EXOC6B: variants seen among roughly 807,000 people sequenced by gnomAD.
EXOC6B encodes the protein exocyst complex component 6B, also known as SEC15 homolog B.
In EXOC6B, 54 loss-of-function variants were observed where a neutral mutation model predicts 113.5. That is an observed-to-expected ratio of 0.48 (90% confidence interval 0.38 to 0.60). The LOEUF is 0.60. EXOC6B is among the 20% of genes least tolerant of loss of function. The pLI is 0.00. For missense variants in EXOC6B, 797 were observed against 977.5 expected (o/e 0.82, Z 2.46); for synonymous variants, 357 against 339.0 (o/e 1.05, Z -0.58).
At chr2:72,280,665 A>G (rs1685076724) in intron 20 of EXOC6B, among the ~76,000 whole-genome samples, 1 of 152,134 alleles carries the variant, frequency 6.6e-6, no homozygotes, top group African/African-American at 2.4e-5. Context: ...CCAGAGACAA[A>G]CATTTTAAAA....
intron 6 of EXOC6B, among the ~76,000 whole-genome samples, chr2:72,649,717 C>A (rs1458547068): frequency 6.6e-6 from 1 of 152,106 alleles, no homozygotes; most frequent in Non-Finnish European, 1.5e-5. Flanking sequence ...CGTGAAGGGA[C>A]ACACACATAA....
chr2:72,335,069 A>C (rs1314275785), intron 19 of EXOC6B, 49 bp from the exon 20 acceptor site: 5 of 1,537,426 alleles, frequency 3.3e-6, no homozygotes, highest in Non-Finnish European at 4.5e-6. Flanking sequence ...AACCATGGAC[A>C]GGGAGATTGG....
At chr2:72,532,321 A>G (rs963761543) in intron 8 of EXOC6B, among the ~76,000 whole-genome samples, 1 of 152,166 alleles carries the variant, frequency 6.6e-6, no homozygotes, top group Non-Finnish European at 1.5e-5. Flanking sequence ...TCCCTACCAA[A>G]TTAGCAAAAG....
chr2:72,668,670 A>G (rs1208097563), intron 6 of EXOC6B, among the ~76,000 whole-genome samples: 1 of 152,226 alleles, frequency 6.6e-6, no homozygotes, highest in Non-Finnish European at 1.5e-5. Flanking sequence ...GCAAAAACAG[A>G]AAACCAAATA....
chr2:72,758,230 A>C (rs1050473006), intron 1 of EXOC6B, among the ~76,000 whole-genome samples: 1 of 151,484 alleles, frequency 6.6e-6, no homozygotes, highest in African/African-American at 2.4e-5. Context: ...TTGAGAATTG[A>C]TGTAGCAGAT....
intron 6 of EXOC6B, among the ~76,000 whole-genome samples, chr2:72,599,517 C>G (rs1228191391): frequency 6.6e-6 from 1 of 152,160 alleles, no homozygotes; most frequent in African/African-American, 2.4e-5. Flanking sequence ...CTCACCACTA[C>G]TATCCAACAT....
chr2:72,743,257 T>C (rs1681460765), intron 1 of EXOC6B, among the ~76,000 whole-genome samples: 1 of 152,102 alleles, frequency 6.6e-6, no homozygotes, highest in African/African-American at 2.4e-5. Flanking sequence ...TTCTGCACTT[T>C]CCATCTACTC....
chr2:72,460,908 C>G (rs921230972), intron 18 of EXOC6B, among the ~76,000 whole-genome samples: 17 of 150,792 alleles, frequency 1.1e-4, no homozygotes, highest in Non-Finnish European at 1.9e-4. Context: ...CACATGCACA[C>G]GTATGTTTAT....
intron 7 of EXOC6B, among the ~76,000 whole-genome samples, chr2:72,560,184 T>C (rs1703815179): frequency 6.6e-6 from 1 of 151,774 alleles, no homozygotes; most frequent in Admixed American, 6.6e-5. Context: ...AAACATCAGG[T>C]AAGAACTGGA....
intron 1 of EXOC6B, among the ~76,000 whole-genome samples, chr2:72,785,535 G>C (rs973046942): frequency 2.0e-5 from 3 of 152,208 alleles, no homozygotes; most frequent in Non-Finnish European, 4.4e-5. Context: ...CTCAATTCTT[G>C]ACATCTGTGA....
intron 18 of EXOC6B, among the ~76,000 whole-genome samples, chr2:72,441,822 GTACAAAGAAGAGCATGTACCATTCCTA>G (rs1425086602): frequency 2.0e-5 from 3 of 152,152 alleles, no homozygotes; most frequent in Admixed American, 1.3e-4. Flanking sequence ...TCTACCAGAT[GTACAAAGAAGAGCATGTACCATTCCTA>G]CTGAAACTAT....
intron 19 of EXOC6B, among the ~76,000 whole-genome samples, chr2:72,352,938 C>T (rs1010353286): frequency 2.0e-5 from 3 of 151,994 alleles, no homozygotes; most frequent in African/African-American, 7.3e-5. Context: ...TGACGTCCGC[C>T]CTAACAACAT....
chr2:72,376,387 C>T (rs557869533), intron 19 of EXOC6B, among the ~76,000 whole-genome samples: 14 of 152,234 alleles, frequency 9.2e-5, no homozygotes, highest in Admixed American at 2.6e-4. Flanking sequence ...TACAGATATT[C>T]TACTGCCTTC....
intron 20 of EXOC6B, among the ~76,000 whole-genome samples, chr2:72,246,586 CA>C (rs1682677933): frequency 6.7e-6 from 1 of 149,972 alleles, no homozygotes; most frequent in Non-Finnish European, 1.5e-5. Flanking sequence ...CAGCTCACTG[CA>C]AGCTCCGCCT....
In EXOC6B at chr2:72,567,640, C is replaced by T. The variant is rs543307599; in HGVS notation, c.846+7852G>A. 3.9e-5 allele frequency among the ~76,000 whole-genome samples: 6 copies of T among 152,022 alleles called. No individual in the cohort carries two copies. In the East Asian group the frequency reaches 5.8e-4, roughly 15 times the overall value. ...AAGAAATTAGAACTCTCTGAAGAAA[C>T]GGCTGATGCCAGGGCTAGGGCAGAA... On this transcript the variant is annotated intron_variant, in intron 7 of 21. Transcript: ENST00000272427.
chr2:72,292,702 C>A (rs551377923), intron 20 of EXOC6B, among the ~76,000 whole-genome samples: 1 of 152,268 alleles, frequency 6.6e-6, no homozygotes, highest in African/African-American at 2.4e-5. Flanking sequence ...CCTTCTGCAA[C>A]CCTAACCTCT....
At chr2:72,729,654 G>A (rs1473353185) in intron 5 of EXOC6B, among the ~76,000 whole-genome samples, 4 of 151,676 alleles carry the variant, frequency 2.6e-5, no homozygotes, top group Admixed American at 6.6e-5. Context: ...TGAACTTCTG[G>A]CCTCGAGTGA....
chr2:72,252,102 C>T (rs750795619), intron 20 of EXOC6B, among the ~76,000 whole-genome samples: 6 of 152,302 alleles, frequency 3.9e-5, no homozygotes, highest in Non-Finnish European at 8.8e-5. Context: ...CCTATCACCA[C>T]ATAAATGTTG....
At chr2:72,476,296 A>C (rs632670) in intron 17 of EXOC6B, among the ~76,000 whole-genome samples, 23,868 of 152,054 alleles carry the variant, frequency 0.16, 2,611 homozygotes, top group African/African-American at 0.31. Flanking sequence ...TAGACTGCCT[A>C]ATTTCCTTCC....
Sources: allele counts gnomAD v4.1 joint callset (sites outside exome capture counted in the v4.1 genomes callset), GRCh38; gene constraint gnomAD v4.1.1; transcripts MANE v1.5; gene names NCBI Gene and HGNC (gene_info 2026-07-23, HGNC 2026-07-21).